MCF2L2: variants seen among roughly 807,000 people sequenced by gnomAD.
MCF2L2 encodes probable guanine nucleotide exchange factor MCF2L2.
In MCF2L2, 102 loss-of-function variants were observed where a neutral mutation model predicts 150.2. The observed-to-expected ratio is 0.68, with a 90% confidence interval of 0.58 to 0.80. The LOEUF (loss-of-function observed/expected upper bound fraction) is 0.80, where lower values mean the gene tolerates loss of function less well. Ranked by LOEUF, MCF2L2 falls within the 30% of genes least tolerant of loss-of-function variation. The probability of loss-of-function intolerance (pLI) is 0.00; values close to 1 mark genes in which losing one functional copy is unlikely to be tolerated. For synonymous variants in MCF2L2, 465 were observed against 491.3 expected (o/e 0.95, Z 0.71); for missense variants, 1,256 against 1,372.8 (o/e 0.91, Z 1.34).
At chr3:183,254,790 A>T (rs927247745) in intron 15 of MCF2L2, 4 of 152,218 alleles carry the variant, frequency 2.6e-5, no homozygotes, top group African/African-American at 7.2e-5. Context: ...GGAAATGGGG[A>T]CAGGGAAGTG....
intron 27 of MCF2L2, among the ~76,000 whole-genome samples, chr3:183,186,631 G>T (rs547091674): frequency 6.6e-6 from 1 of 152,362 alleles, no homozygotes; most frequent in South Asian, 2.1e-4. Context: ...GGAGACTGAA[G>T]CAGGAGAATC....
chr3:183,313,379 G>A (rs1306485377), intron 7 of MCF2L2, among the ~76,000 whole-genome samples: 4 of 152,314 alleles, frequency 2.6e-5, no homozygotes, highest in Admixed American at 1.3e-4. Flanking sequence ...TCCAAAGTGC[G>A]GCAGAGCATG....
At chr3:183,363,035 A>G (rs1032128402) in intron 3 of MCF2L2, among the ~76,000 whole-genome samples, 2 of 152,258 alleles carry the variant, frequency 1.3e-5, no homozygotes, top group East Asian at 1.9e-4. Flanking sequence ...ACAAATAAAC[A>G]TATGAAAAGA....
Position 183,224,093 on chromosome 3 carries a change from A to G in MCF2L2, c.2208+5T>C. On this transcript the variant is annotated splice_donor_5th_base_variant and intron_variant, in intron 19 of 29. Coordinates refer to ENST00000328913, the MANE Select transcript of MCF2L2 (RefSeq NM_015078.4). ...CCAGGAAGAAGTTTGTCTTCTCAAC[A>G]TTACCCCAAAGTAGGCGCAGTCTTG... 1.2e-6 allele frequency: 2 copies of G among 1,611,656 alleles called. No individual in the cohort carries two copies. Among genetic ancestry groups the G allele is most frequent in the South Asian group, 1.1e-5 (1 of 91,024 alleles).
intron 27 of MCF2L2, among the ~76,000 whole-genome samples, chr3:183,190,175 C>T (rs1721828715): frequency 6.6e-6 from 1 of 152,228 alleles, no homozygotes; most frequent in African/African-American, 2.4e-5. Flanking sequence ...CCTCAAAGCT[C>T]TCAAATGCTA....
chr3:183,346,081 T>A (rs1469627623), intron 3 of MCF2L2, among the ~76,000 whole-genome samples: 2 of 152,164 alleles, frequency 1.3e-5, no homozygotes, highest in Non-Finnish European at 2.9e-5. Flanking sequence ...GAGGCCAGCA[T>A]CATCCTGATA....
At chr3:183,191,290 C>CA (rs1348423325) in intron 27 of MCF2L2, among the ~76,000 whole-genome samples, 1 of 152,218 alleles carries the variant, frequency 6.6e-6, no homozygotes, top group Non-Finnish European at 1.5e-5. Context: ...CACCATCCCC[C>CA]ACCAGAGAGG....
intron 26 of MCF2L2, 135 bp downstream of exon 26, chr3:183,195,087 T>C: frequency 1.3e-6 from 1 of 780,506 alleles, no homozygotes; most frequent in Non-Finnish European, 2.0e-6. Flanking sequence ...CCAGCCAATA[T>C]TTTTTAAAAA....
At chr3:183,318,351 T>A in intron 6 of MCF2L2, 134 bp from the exon 7 acceptor site, 2 of 978,398 alleles carry the variant, frequency 2.0e-6, no homozygotes, top group Non-Finnish European at 3.1e-6. Flanking sequence ...ATAGAGGACC[T>A]GATTCTGATA....
chr3:183,320,912 T>C (rs976848590), intron 6 of MCF2L2, among the ~76,000 whole-genome samples: 2 of 152,166 alleles, frequency 1.3e-5, no homozygotes, highest in African/African-American at 4.8e-5. Context: ...CTTGAACACT[T>C]AGAGGTCATT....
At position 183,390,515 on chromosome 3, in the gene MCF2L2, TAG is replaced by T. The variant is rs61318661; in HGVS notation, c.77-738_77-737del. On this transcript the variant is annotated intron_variant, in intron 1 of 29. Coordinates refer to ENST00000328913, the MANE Select transcript of MCF2L2 (RefSeq NM_015078.4). ...TCATTTCCATTTGGGGAAAAGGAAT[TAG>T]AGAGAGGGGAGGACCAACTGGAATC... Among the ~76,000 whole-genome samples the T allele has an allele frequency of 5.4e-3, 815 of 152,176 alleles. 19 individuals carry two copies. Among genetic ancestry groups the T allele is most frequent in the East Asian group, 0.049 (251 of 5,174 alleles).
Position 183,178,722 on chromosome 3 carries a change from A to C in MCF2L2, c.*658T>G, listed in dbSNP as rs1262126795. 6.6e-6 allele frequency: 1 copy of C among 152,262 alleles called. No homozygotes were observed. The highest frequency in any genetic ancestry group is 1.5e-5 in the Non-Finnish European group (1 of 68,036). The allele number at this position is 152,262 out of a possible 1,614,324, so 9.4% of individuals were successfully genotyped here. ...AACAAAACTCATTTAAAAACTAATA[A>C]ATCGATACATAAAATACCTCAGAAA... On this transcript the variant is annotated 3_prime_UTR_variant, in exon 30 of 30. Coordinates refer to ENST00000328913, the MANE Select transcript of MCF2L2 (RefSeq NM_015078.4).
chr3:183,320,484 G>A (rs1345321587), intron 6 of MCF2L2, among the ~76,000 whole-genome samples: 1 of 152,166 alleles, frequency 6.6e-6, no homozygotes, highest in African/African-American at 2.4e-5. Context: ...GTATGTTACA[G>A]AGAAGAATTC....
At chr3:183,344,700 C>T (rs552263617) in intron 3 of MCF2L2, among the ~76,000 whole-genome samples, 3 of 152,054 alleles carry the variant, frequency 2.0e-5, no homozygotes, top group African/African-American at 7.2e-5. Flanking sequence ...TGCAAAGACA[C>T]ACACAGGCTC....
At position 183,267,159 on chromosome 3, in the gene MCF2L2, CAA is replaced by C. The variant is rs1726228302; in HGVS notation, c.1862+9711_1862+9712del. ...CCTGAACACACACACACAGAAAACC[CAA>C]AAGTTTCACAAAATGATTCTTGCTC... On this transcript the variant is annotated intron_variant, in intron 15 of 29. Coordinates refer to ENST00000328913, the MANE Select transcript of MCF2L2 (RefSeq NM_015078.4). This position sits in a 1 kb window ranked among gnomAD's most constrained non-coding sequence, Gnocchi z 5.5. Among the ~76,000 whole-genome samples, 1 of 152,098 alleles carries C rather than the reference CAA, an allele frequency of 6.6e-6. No homozygotes were observed. The highest frequency in any genetic ancestry group is 1.5e-5 in the Non-Finnish European group (1 of 68,028).
rs1223438819 is a variant in MCF2L2 at position 183,271,495 on chromosome 3, C to T, written c.1862+5377G>A. 4.2e-5 allele frequency: 7 copies of T among 167,040 alleles called. 1 individual carries two copies. The highest frequency in any genetic ancestry group is 2.6e-4 in the Admixed American group (4 of 15,258). 10.3% of individuals were successfully genotyped at this position (167,040 alleles called of 1,614,324 possible). A position where few individuals can be genotyped will look rare whatever the true frequency, so the allele number is the denominator to read the frequency against. On this transcript the variant is annotated intron_variant, in intron 15 of 29. Coordinates refer to ENST00000328913, the MANE Select transcript of MCF2L2 (RefSeq NM_015078.4). Reference sequence around the variant, plus strand: ...AATGTTATTATAAACAGACAAATCACGTCTTACCACATCCATGTAGCTACT... The same window carrying T: ...AATGTTATTATAAACAGACAAATCATGTCTTACCACATCCATGTAGCTACT...
At chr3:183,296,803 C>T in intron 12 of MCF2L2, 173 bp downstream of exon 12, 3 of 604,842 alleles carry the variant, frequency 5.0e-6, no homozygotes, top group Non-Finnish European at 8.7e-6. Flanking sequence ...ACTCAGTATG[C>T]CAGGACGTTC....
chr3:183,225,688 C>G (rs1398819817), intron 18 of MCF2L2: 2 of 152,094 alleles, frequency 1.3e-5, no homozygotes, highest in African/African-American at 4.8e-5. Context: ...TTAAGTGGGC[C>G]CATAACAGTA....
In MCF2L2 at chr3:183,181,884, T is replaced by C. The variant is rs1213401990; in HGVS notation, c.3017-1725A>G. Among the ~76,000 whole-genome samples, 1 of 152,132 alleles carries C rather than the reference T, an allele frequency of 6.6e-6. No homozygotes were observed. Among genetic ancestry groups the C allele is most frequent in the Non-Finnish European group, 1.5e-5 (1 of 68,016 alleles). ...CAGGGCTGGGAGGCGACACAGGAAC[T>C]GAAAAACCTGACAAGCTCTAGCCCC... On this transcript the variant is annotated intron_variant, in intron 27 of 29. Coordinates refer to ENST00000328913, the MANE Select transcript of MCF2L2 (RefSeq NM_015078.4). This position sits in a 1 kb window ranked among gnomAD's most constrained non-coding sequence, Gnocchi z 4.3.
Sources: gnomAD v4.1 joint callset for allele counts (sites outside exome capture counted in the v4.1 genomes callset) on GRCh38, gnomAD v4.1.1 for gene constraint, Gnocchi (gnomAD v3.1) non-coding constraint, MANE v1.5 for transcripts, NCBI Gene and HGNC (gene_info 2026-07-23, HGNC 2026-07-21) for gene names.